The following ANKS1B variants were observed in gnomAD, a reference collection of about 807,000 sequenced individuals.
ANKS1B encodes the protein ankyrin repeat and sterile alpha motif domain-containing protein 1B.
Under a neutral mutation model 148.3 loss-of-function variants are expected in ANKS1B, and 36 were observed. The observed-to-expected ratio is 0.24, with a 90% CI of 0.19 to 0.32. ANKS1B has a LOEUF of 0.32. Among genes scored for constraint, ANKS1B ranks in the 10% least tolerant of loss-of-function variants. The pLI, the probability that ANKS1B is intolerant of heterozygous loss-of-function variation, is 1.00. For missense variants in ANKS1B, 1,157 were observed against 1,542.6 expected (o/e 0.75, Z 4.19); for synonymous variants, 542 against 560.8 (o/e 0.97, Z 0.47).
intron 15 of ANKS1B, among the ~76,000 whole-genome samples, chr12:99,105,996 C>G (rs1413874089): frequency 6.6e-6 from 1 of 152,092 alleles, no homozygotes; most frequent in Non-Finnish European, 1.5e-5. Context: ...AGAGTGGTTT[C>G]TAGGAATATA....
intron 1 of ANKS1B, among the ~76,000 whole-genome samples, chr12:99,921,581 T>G (rs535654338): frequency 4.0e-5 from 6 of 151,846 alleles, no homozygotes; most frequent in Non-Finnish European, 8.8e-5. Context: ...AATTCTCACT[T>G]CCCCTGCTCA....
At chr12:99,604,525 G>A (rs1012933187) in intron 9 of ANKS1B, among the ~76,000 whole-genome samples, 1 of 151,862 alleles carries the variant, frequency 6.6e-6, no homozygotes, top group Admixed American at 6.6e-5. Flanking sequence ...AATAAAAAAT[G>A]TTTAAGAGGC....
At position 99,700,668 on chromosome 12, in the gene ANKS1B, C is replaced by T. The variant is rs2054661386; in HGVS notation, c.1129-45458G>A. On this transcript the variant is annotated intron_variant, in intron 8 of 26. Coordinates refer to ENST00000683438, the MANE Select transcript of ANKS1B (RefSeq NM_001352186.2). ...GCTTCTCCTTAGCATATCCCAATTGCCAGCATCATTACTTTTGTAGTGGTA... is the reference window on the plus strand; with the variant it reads ...GCTTCTCCTTAGCATATCCCAATTGTCAGCATCATTACTTTTGTAGTGGTA... Among the ~76,000 whole-genome samples the T allele has an allele frequency of 2.0e-5, 3 of 152,204 alleles. No individual in the cohort carries two copies. In the South Asian group the frequency reaches 6.2e-4, roughly 32 times the overall value.
chr12:98,826,303 T>A (rs1009851830), intron 19 of ANKS1B, among the ~76,000 whole-genome samples: 9 of 152,240 alleles, frequency 5.9e-5, no homozygotes, highest in African/African-American at 2.2e-4. Context: ...TTTTAAATAT[T>A]GTTTCAAATT....
At chr12:99,680,578 G>A (rs1450235057) in intron 8 of ANKS1B, among the ~76,000 whole-genome samples, 2 of 152,214 alleles carry the variant, frequency 1.3e-5, no homozygotes, top group Non-Finnish European at 2.9e-5. Context: ...GAAACTTCCA[G>A]CTGAACTTCT....
chr12:99,393,069 A>G (rs1017431180), intron 12 of ANKS1B, among the ~76,000 whole-genome samples: 1 of 151,194 alleles, frequency 6.6e-6, no homozygotes, highest in Non-Finnish European at 1.5e-5. Context: ...ATATGTAGAT[A>G]GATTGATAGA....
chr12:98,912,988 A>G (rs2099788780), intron 17 of ANKS1B, among the ~76,000 whole-genome samples: 1 of 152,190 alleles, frequency 6.6e-6, no homozygotes, highest in South Asian at 2.1e-4. Context: ...TTATTAGAAT[A>G]CCTTTAGACA....
intron 8 of ANKS1B, among the ~76,000 whole-genome samples, chr12:99,700,655 C>T (rs1422868627): frequency 6.6e-6 from 1 of 152,106 alleles, no homozygotes; most frequent in Non-Finnish European, 1.5e-5. Context: ...TTCTCCTTAG[C>T]ATATCCCAAT....
chr12:99,140,854 C>T (rs1418906787), intron 15 of ANKS1B, among the ~76,000 whole-genome samples: 1 of 152,160 alleles, frequency 6.6e-6, no homozygotes, highest in African/African-American at 2.4e-5. Flanking sequence ...CTCCTTCCCA[C>T]TCTCTGAAAC....
At chr12:99,833,034 T>C (rs1430218593) in intron 1 of ANKS1B, among the ~76,000 whole-genome samples, 3 of 152,222 alleles carry the variant, frequency 2.0e-5, no homozygotes, top group Non-Finnish European at 4.4e-5. Context: ...AAAGTTACTA[T>C]TACTATTCCC....
At chr12:99,677,798 C>G (rs1599476919) in intron 8 of ANKS1B, among the ~76,000 whole-genome samples, 1 of 152,124 alleles carries the variant, frequency 6.6e-6, no homozygotes, top group Non-Finnish European at 1.5e-5. Context: ...ACCATGAAAC[C>G]CTGTCTCTAC....
intron 9 of ANKS1B, among the ~76,000 whole-genome samples, chr12:99,557,068 G>A (rs1007015008): frequency 6.6e-6 from 1 of 152,106 alleles, no homozygotes; most frequent in African/African-American, 2.4e-5. Context: ...ACTTTTGTAG[G>A]TGACCTGTCC....
chr12:99,781,484 C>A (rs546833448), intron 5 of ANKS1B, among the ~76,000 whole-genome samples: 1 of 152,220 alleles, frequency 6.6e-6, no homozygotes, highest in African/African-American at 2.4e-5. Context: ...AATAAGCCAA[C>A]TTTATTGTTC....
At chr12:99,789,569 A>G (rs1353599953) in intron 4 of ANKS1B, among the ~76,000 whole-genome samples, 1 of 152,242 alleles carries the variant, frequency 6.6e-6, no homozygotes, top group Non-Finnish European at 1.5e-5. Flanking sequence ...AACACAGAGA[A>G]GGAATTCAGA....
At chr12:99,247,900 G>A (rs1329842339) in intron 12 of ANKS1B, among the ~76,000 whole-genome samples, 1 of 152,128 alleles carries the variant, frequency 6.6e-6, no homozygotes, top group Non-Finnish European at 1.5e-5. Context: ...TATAGTAAAT[G>A]TGGTACATAA....
intron 15 of ANKS1B, among the ~76,000 whole-genome samples, chr12:99,127,961 T>G (rs934978291): frequency 3.3e-5 from 5 of 152,192 alleles, no homozygotes; most frequent in African/African-American, 9.6e-5. Flanking sequence ...AACCAGAAAT[T>G]GAAAACTAAA....
chr12:99,635,932 C>T (rs569073762), intron 9 of ANKS1B, among the ~76,000 whole-genome samples: 96 of 151,812 alleles, frequency 6.3e-4, no homozygotes, highest in African/African-American at 2.0e-3. Context: ...TAAAACTATA[C>T]GAAGAAAATA....
chr12:99,581,322 C>A (rs2097567553), intron 9 of ANKS1B, among the ~76,000 whole-genome samples: 1 of 151,996 alleles, frequency 6.6e-6, no homozygotes, highest in Non-Finnish European at 1.5e-5. Context: ...ATGAAATTTT[C>A]AACAAATGGC....
chr12:99,233,515 C>T (rs2087258658), intron 14 of ANKS1B, among the ~76,000 whole-genome samples: 1 of 151,996 alleles, frequency 6.6e-6, no homozygotes, highest in African/African-American at 2.4e-5. Context: ...GTGTTCTGCA[C>T]AATATGAGGC....
Sources: gnomAD v4.1 joint callset for allele counts (sites outside exome capture counted in the v4.1 genomes callset) on GRCh38, gnomAD v4.1.1 for gene constraint, MANE v1.5 for transcripts, NCBI Gene and HGNC (gene_info 2026-07-23, HGNC 2026-07-21) for gene names.